Variants in MECOM observed in about 807,000 individuals in gnomAD.
MECOM encodes the protein MDS1 and EVI1 complex locus.
MECOM carries 13 observed loss-of-function variants against 116.3 expected under a neutral mutation model. The ratio of observed to expected loss-of-function variants is 0.11; its 90% CI spans 0.07 to 0.18. The LOEUF (loss-of-function observed/expected upper bound fraction) is 0.18. Ranked by LOEUF, MECOM falls within the 10% of genes least tolerant of loss-of-function variation. The pLI is 1.00. For missense variants in MECOM, 1,299 were observed against 1,509.0 expected (o/e 0.86, Z 2.31); for synonymous variants, 528 against 535.2 (o/e 0.99, Z 0.19).
intron 12 of MECOM, among the ~76,000 whole-genome samples, chr3:169,098,488 T>C (rs1364220763): frequency 6.6e-6 from 1 of 152,226 alleles, no homozygotes; most frequent in Non-Finnish European, 1.5e-5. Context: ...TCTCAGTGCA[T>C]CCTATCAAGG....
intron 1 of MECOM, among the ~76,000 whole-genome samples, chr3:169,590,525 T>A (rs1766283854): frequency 6.6e-6 from 1 of 152,238 alleles, no homozygotes; most frequent in Non-Finnish European, 1.5e-5. Flanking sequence ...AAGAATAAAA[T>A]CCTTTTCTCG....
intron 7 of MECOM, among the ~76,000 whole-genome samples, chr3:169,118,628 A>T (rs868446746): frequency 3.9e-5 from 6 of 152,212 alleles, no homozygotes; most frequent in Admixed American, 1.3e-4. Context: ...AAATGTCTTG[A>T]TGAGTATTCA....
intron 1 of MECOM, among the ~76,000 whole-genome samples, chr3:169,602,846 A>C (rs1283639792): frequency 6.6e-6 from 1 of 152,208 alleles, no homozygotes; most frequent in African/African-American, 2.4e-5. Context: ...CTTACAAAAA[A>C]ACTATGTTCT....
intron 1 of MECOM, among the ~76,000 whole-genome samples, chr3:169,474,763 G>T (rs866545632): frequency 2.8e-4 from 42 of 151,974 alleles, no homozygotes; most frequent in Non-Finnish European, 1.6e-4. Context: ...ATTAATATTT[G>T]CCCCCAGAAT....
intron 1 of MECOM, among the ~76,000 whole-genome samples, chr3:169,492,431 A>G (rs549508485): frequency 3.5e-4 from 53 of 152,330 alleles, no homozygotes; most frequent in Non-Finnish European, 6.2e-4. Context: ...ACTGAAGATT[A>G]TTCTGGAATT....
At chr3:169,645,615 T>C (rs1774080623) in intron 1 of MECOM, among the ~76,000 whole-genome samples, 1 of 152,218 alleles carries the variant, frequency 6.6e-6, no homozygotes, top group Non-Finnish European at 1.5e-5. Context: ...TCCCCACCAA[T>C]GGTCTTTCAC....
chr3:169,176,734 T>C (rs1293262953), intron 2 of MECOM, among the ~76,000 whole-genome samples: 2 of 152,024 alleles, frequency 1.3e-5, no homozygotes, highest in Non-Finnish European at 1.5e-5. Flanking sequence ...AAAGGTCTAA[T>C]ACCCAGAATT....
intron 2 of MECOM, among the ~76,000 whole-genome samples, chr3:169,237,022 T>C (rs1403469866): frequency 6.6e-6 from 1 of 152,206 alleles, no homozygotes; most frequent in Non-Finnish European, 1.5e-5. Flanking sequence ...AATTCTGAAA[T>C]CTCATACATG....
chr3:169,255,673 A>G (rs1038277023), intron 2 of MECOM, among the ~76,000 whole-genome samples: 1 of 152,206 alleles, frequency 6.6e-6, no homozygotes, highest in Non-Finnish European at 1.5e-5. Context: ...AAGTGTTTGC[A>G]TCAAAATCTT....
intron 2 of MECOM, among the ~76,000 whole-genome samples, chr3:169,357,124 C>G (rs1180649971): frequency 6.6e-6 from 1 of 151,790 alleles, no homozygotes; most frequent in African/African-American, 2.4e-5. Context: ...CATAAAAAAG[C>G]TTACCAATAC....
intron 2 of MECOM, among the ~76,000 whole-genome samples, chr3:169,358,506 C>T (rs1727659748): frequency 6.7e-6 from 1 of 150,374 alleles, no homozygotes; most frequent in Non-Finnish European, 1.5e-5. Context: ...ACATCAAGAA[C>T]TGTATGCCTT....
At chr3:169,414,995 A>G (rs1738294185) in intron 1 of MECOM, among the ~76,000 whole-genome samples, 1 of 152,236 alleles carries the variant, frequency 6.6e-6, no homozygotes, top group South Asian at 2.1e-4. Context: ...GCAACCTAGC[A>G]AGACAAGCTA....
At chr3:169,276,560 A>AG (rs1759603473) in intron 2 of MECOM, among the ~76,000 whole-genome samples, 1 of 151,012 alleles carries the variant, frequency 6.6e-6, no homozygotes, top group Non-Finnish European at 1.5e-5. Flanking sequence ...CTCAAAAAAA[A>AG]AAAAAAAAAA....
intron 1 of MECOM, among the ~76,000 whole-genome samples, chr3:169,471,156 T>C (rs1221778620): frequency 2.0e-5 from 3 of 152,040 alleles, no homozygotes; most frequent in African/African-American, 7.2e-5. Flanking sequence ...CATGCCCGTC[T>C]GATTTTTTGT....
At chr3:169,541,533 C>T (rs761725980) in intron 1 of MECOM, among the ~76,000 whole-genome samples, 2 of 152,310 alleles carry the variant, frequency 1.3e-5, no homozygotes, top group African/African-American at 4.8e-5. Flanking sequence ...TCCAACTCTG[C>T]GCATGGCTCG....
intron 12 of MECOM, among the ~76,000 whole-genome samples, chr3:169,097,481 A>G (rs1234119225): frequency 6.6e-6 from 1 of 152,140 alleles, no homozygotes; most frequent in African/African-American, 2.4e-5. Context: ...TTGGATGTAG[A>G]CATGGAGGTC....
At chr3:169,235,720 C>A (rs1269196328) in intron 2 of MECOM, among the ~76,000 whole-genome samples, 1 of 152,012 alleles carries the variant, frequency 6.6e-6, no homozygotes, top group Non-Finnish European at 1.5e-5. Flanking sequence ...AAGTAATTTT[C>A]TTCGCACACA....
At chr3:169,234,260 G>C (rs1055133204) in intron 2 of MECOM, among the ~76,000 whole-genome samples, 13 of 151,850 alleles carry the variant, frequency 8.6e-5, no homozygotes, top group African/African-American at 3.1e-4. Flanking sequence ...TGACCACTGA[G>C]AACGATAGCA....
intron 1 of MECOM, among the ~76,000 whole-genome samples, chr3:169,586,385 T>G (rs1421490897): frequency 6.6e-6 from 1 of 152,260 alleles, no homozygotes; most frequent in Non-Finnish European, 1.5e-5. Context: ...CATAATTTCT[T>G]TATTGCCTTG....
Sources: allele counts gnomAD v4.1 joint callset (sites outside exome capture counted in the v4.1 genomes callset), GRCh38; gene constraint gnomAD v4.1.1; transcripts MANE v1.5; gene names NCBI Gene and HGNC (gene_info 2026-07-23, HGNC 2026-07-21).